Variants in PLEKHH1 observed in about 807,000 individuals in gnomAD.
The protein encoded by PLEKHH1 is pleckstrin homology, MyTH4 and FERM domain containing H1.
PLEKHH1 carries 104 observed loss-of-function variants against 160.0 expected under a neutral mutation model. That is an observed-to-expected ratio of 0.65 (90% CI 0.55 to 0.76). The LOEUF (loss-of-function observed/expected upper bound fraction) is 0.76, where lower values mean the gene tolerates loss of function less well. Ranked by LOEUF, PLEKHH1 falls within the 30% of genes least tolerant of loss-of-function variation. PLEKHH1 has a pLI of 0.00. For synonymous variants in PLEKHH1, 619 were observed against 678.4 expected (o/e 0.91, Z 1.36); for missense variants, 1,427 against 1,724.1 (o/e 0.83, Z 3.05).
At chr14:67,579,408 T>G in intron 21 of PLEKHH1, 97 bp downstream of exon 21, 1 of 992,926 alleles carries the variant, frequency 1.0e-6, no homozygotes, top group Non-Finnish European at 1.4e-6. Flanking sequence ...GATTGTTCAC[T>G]GTTGCCCCAG....
In PLEKHH1 at chr14:67,576,278, C is replaced by A; in HGVS notation, c.2353-117C>A. 1 of 642,720 alleles carries A rather than the reference C, an allele frequency of 1.6e-6. No individual in the cohort carries two copies. 39.8% of individuals were successfully genotyped at this position (642,720 alleles called of 1,614,324 possible). On this transcript the variant is annotated intron_variant, in intron 16 of 28. Transcript: ENST00000329153. This position sits in a 1 kb window ranked among gnomAD's most constrained non-coding sequence, Gnocchi z 4.0. ...TCTTTCCAGGTAGCCCTGACTCATG[C>A]CAACCAAACTAGCTGAACCCCACAT...
intron 26 of PLEKHH1, among the ~76,000 whole-genome samples, chr14:67,584,706 G>A (rs895231298): frequency 3.3e-5 from 5 of 152,212 alleles, no homozygotes; most frequent in East Asian, 3.8e-4. Context: ...ACTATGTCCA[G>A]TGCTGGTTGT....
chr14:67,569,448 G>A (rs2035267858), intron 8 of PLEKHH1, among the ~76,000 whole-genome samples: 1 of 152,244 alleles, frequency 6.6e-6, no homozygotes, highest in Non-Finnish European at 1.5e-5. Context: ...AGAGCTGGAA[G>A]GGATCTGAGA....
In PLEKHH1 at chr14:67,551,952, C is replaced by T. The variant is rs552675240; in HGVS notation, c.127-3873C>T. 1.3e-4 allele frequency among the ~76,000 whole-genome samples: 20 copies of T among 152,260 alleles called. 1 individual carries two copies. In the South Asian group the frequency reaches 4.2e-3, roughly 32 times the overall value. ...GGATGGTGTGGCTCTTGGCTCAGGCCACTGCTCGGCACAGCAGGACTGTGC... is the reference window on the plus strand; with the variant it reads ...GGATGGTGTGGCTCTTGGCTCAGGCTACTGCTCGGCACAGCAGGACTGTGC... On this transcript the variant is annotated intron_variant, in intron 2 of 28. Transcript: ENST00000329153.
intron 18 of PLEKHH1, 144 bp from the exon 19 acceptor site, chr14:67,577,879 C>A: frequency 1.5e-6 from 1 of 678,860 alleles, no homozygotes; most frequent in East Asian, 2.7e-5. Flanking sequence ...CAGAGATGCC[C>A]TCCAACAGTA....
At chr14:67,541,511 T>C (rs1183967875) in intron 1 of PLEKHH1, among the ~76,000 whole-genome samples, 1 of 152,206 alleles carries the variant, frequency 6.6e-6, no homozygotes, top group East Asian at 1.9e-4. Context: ...AATGGATAAG[T>C]TTGTTGTGTG....
In PLEKHH1 at chr14:67,562,747, G is replaced by A; in HGVS notation, c.1116G>A (p.Glu372=). 3.1e-6 allele frequency: 5 copies of A among 1,613,862 alleles called. No individual in the cohort carries two copies. Among genetic ancestry groups the A allele is most frequent in the Non-Finnish European group, 4.2e-6 (5 of 1,179,860 alleles). The change falls in exon 7 of 29, where the codon GAG becomes GAA. Residue 372 remains glutamate, a synonymous_variant. Coordinates refer to ENST00000329153, the MANE Select transcript of PLEKHH1 (RefSeq NM_020715.3). ...TGGAGTCCCGAGCTAGGTCCCGGGA[G>A]GAACCAGAGAAGATGGAGATGGAGG... ...PELESRARSR[E]EPEKMEMEEP...
Position 67,573,142 on chromosome 14 carries a change from C to G in PLEKHH1, c.1729-134C>G. On this transcript the variant is annotated intron_variant, in intron 11 of 28. Coordinates refer to ENST00000329153, the MANE Select transcript of PLEKHH1 (RefSeq NM_020715.3). This position sits in a 1 kb window ranked among gnomAD's most constrained non-coding sequence, Gnocchi z 4.8. ...CAGGGCATGGTACTCTGAAAATACA[C>G]TGAGTAGGTACTCAATAATTTTGTA... is the stretch of plus-strand genomic sequence containing the variant. 3.2e-6 allele frequency: 2 copies of G among 620,866 alleles called. No homozygotes were observed. Among genetic ancestry groups the G allele is most frequent in the Non-Finnish European group, 5.8e-6 (2 of 344,050 alleles). 38.5% of individuals were successfully genotyped at this position (620,866 alleles called of 1,614,324 possible).
rs1407925839 is a variant in PLEKHH1, at chr14:67,533,406, A to ACC, written c.-35+10_-35+11dup. On this transcript the variant is annotated intron_variant, in intron 1 of 28. Transcript: ENST00000329153. ...GCCGCGAGCTCGCTGGAGGTGAGCGACCCGCGCTCCCGCCGCTGTGGTGGG... is the reference window on the plus strand; with the variant it reads ...GCCGCGAGCTCGCTGGAGGTGAGCGACCCCCGCGCTCCCGCCGCTGTGGTGGG... The ACC allele has an allele frequency of 2.0e-5, 3 of 151,224 alleles. No individual in the cohort carries two copies. Among genetic ancestry groups the ACC allele is most frequent in the Non-Finnish European group, 3.0e-5 (2 of 67,756 alleles). The allele number at this position is 151,224 out of a possible 1,614,324, so 9.4% of individuals were successfully genotyped here.
rs780846311 is a variant in PLEKHH1, at chr14:67,569,956, T to C, written c.1378T>C (p.Phe460Leu). The C allele has an allele frequency of 1.9e-5, 31 of 1,610,412 alleles. No individual in the cohort carries two copies. Among genetic ancestry groups the C allele is most frequent in the Non-Finnish European group, 2.6e-5 (31 of 1,178,246 alleles). Reference protein sequence around the residue: ...SPPALVSPGSFSGLVYKNVTV... With the variant: ...SPPALVSPGSLSGLVYKNVTV... ...TCCTGCCCTTGTTTCCCCTGGGTCTTTCTCTGGCCTGGTCTACAAGAATGT... is the reference window on the plus strand; with the variant it reads ...TCCTGCCCTTGTTTCCCCTGGGTCTCTCTCTGGCCTGGTCTACAAGAATGT... The change falls in exon 9 of 29, where the codon TTC becomes CTC. Residue 460 changes from phenylalanine (F) to leucine (L), a missense_variant. Physicochemically the swap from Phe to Leu is conservative, Grantham distance 22. This residue lies in a region of PLEKHH1 where 831 missense variants were observed against 929.2 expected (regional missense o/e 0.89). Coordinates refer to ENST00000329153, the MANE Select transcript of PLEKHH1 (RefSeq NM_020715.3).
chr14:67,575,260 T>G, intron 14 of PLEKHH1, 132 bp from the exon 15 acceptor site: 2 of 609,276 alleles, frequency 3.3e-6, no homozygotes, highest in East Asian at 2.9e-5. Context: ...GTTCCATTAG[T>G]AGGGAGCCCA....
At chr14:67,558,871 G>A (rs1314148484) in intron 4 of PLEKHH1, among the ~76,000 whole-genome samples, 1 of 152,238 alleles carries the variant, frequency 6.6e-6, no homozygotes. Context: ...TTGTAACATG[G>A]AAGCAGCCAC....
intron 28 of PLEKHH1, 90 bp downstream of exon 28, chr14:67,586,187 T>C (rs778616740): frequency 2.8e-6 from 4 of 1,420,274 alleles, no homozygotes; most frequent in African/African-American, 1.4e-5. Flanking sequence ...GCTAGTGCTC[T>C]GCAAGGGCCC....
chr14:67,578,117 A>G lies in PLEKHH1; in HGVS notation c.2669A>G (p.His890Arg). The change falls in exon 19 of 29, where the codon CAC becomes CGC. Residue 890 changes from histidine (H) to arginine (R), a missense_variant. This residue lies in a region of PLEKHH1 where 436 missense variants were observed against 607.5 expected (regional missense o/e 0.72). Transcript: ENST00000329153. The surrounding 1 kb of genome is among the most constrained non-coding windows in gnomAD (Gnocchi z 5.0). ...AQTALQVCLVHPELQSEIYCQ... is the reference protein window; with the variant it reads ...AQTALQVCLVRPELQSEIYCQ... ...ACCGCACTGCAGGTCTGCCTGGTTC[A>G]CCCCGAGCTGCAGAGTGAGATCTAC... 1 of 1,613,756 alleles carries G rather than the reference A, an allele frequency of 6.2e-7. No individual in the cohort carries two copies. The highest frequency in any genetic ancestry group is 8.5e-7 in the Non-Finnish European group (1 of 1,179,826).
chr14:67,568,765 G>T (rs79016174), intron 7 of PLEKHH1, among the ~76,000 whole-genome samples: 2,278 of 152,166 alleles, frequency 0.015, 103 homozygotes, highest in South Asian at 0.083. Context: ...AGACCCAAGG[G>T]TCTCTAAAAC....
chr14:67,574,571 G>A lies in PLEKHH1; in HGVS notation c.2088+168G>A, dbSNP rs1264968296. 3.3e-5 allele frequency among the ~76,000 whole-genome samples: 5 copies of A among 152,226 alleles called. No individual in the cohort carries two copies. The highest frequency in any genetic ancestry group is 5.9e-5 in the Non-Finnish European group (4 of 68,042). ...CCTCAAACGTGGTCTGGCCACACAA[G>A]GTGATGGCGAGTGATTCCCCGGAAA... is the stretch of plus-strand genomic sequence containing the variant. On this transcript the variant is annotated intron_variant, in intron 14 of 28. Coordinates refer to ENST00000329153, the MANE Select transcript of PLEKHH1 (RefSeq NM_020715.3). This position sits in a 1 kb window ranked among gnomAD's most constrained non-coding sequence, Gnocchi z 4.2.
At position 67,569,960 on chromosome 14, in the gene PLEKHH1, C is replaced by T; in HGVS notation, c.1382C>T (p.Ser461Phe). ...PPALVSPGSF[S>F]GLVYKNVTVP... ...GCCCTTGTTTCCCCTGGGTCTTTCT[C>T]TGGCCTGGTCTACAAGAATGTCACT... The change falls in exon 9 of 29, where the codon TCT (serine) becomes TTT (phenylalanine). Residue 461 changes from serine to phenylalanine, a missense_variant. Around this residue, in one of 6 missense-constraint regions of PLEKHH1, gnomAD observed 831 missense variants for 929.2 expected, o/e 0.89. Transcript: ENST00000329153. 1 of 1,610,206 alleles carries T rather than the reference C, an allele frequency of 6.2e-7. No individual in the cohort carries two copies. Among genetic ancestry groups the T allele is most frequent in the Non-Finnish European group, 8.5e-7 (1 of 1,178,026 alleles).
At chr14:67,572,310 A>G (rs2236231) in intron 11 of PLEKHH1, 33 bp downstream of exon 11, 1,060,016 of 1,549,062 alleles carry the variant, frequency 0.68, 367,699 homozygotes, top group Non-Finnish European at 0.72. Context: ...GCAGGGTGGA[A>G]GCAGAATGCA....
chr14:67,575,335 G>A, intron 14 of PLEKHH1, 57 bp from the exon 15 acceptor site: 4 of 1,057,802 alleles, frequency 3.8e-6, no homozygotes, highest in Non-Finnish European at 5.6e-6. Context: ...TGCCAGTCCT[G>A]GATTTACTTC....
Sources: gnomAD v4.1 joint callset for allele counts (sites outside exome capture counted in the v4.1 genomes callset) on GRCh38, gnomAD v4.1.1 for gene constraint, gnomAD v4.1.1 regional missense constraint, Gnocchi (gnomAD v3.1) non-coding constraint, MANE v1.5 for transcripts, NCBI Gene and HGNC (gene_info 2026-07-23, HGNC 2026-07-21) for gene names.